Variants in DNAH11 observed in about 807,000 individuals in gnomAD.
DNAH11 encodes axonemal beta dynein heavy chain 11.
In DNAH11, 442 loss-of-function variants were observed where a neutral mutation model predicts 526.0. That is an observed-to-expected ratio of 0.84 (90% CI 0.78 to 0.91). The LOEUF (loss-of-function observed/expected upper bound fraction) is 0.91, where lower values mean the gene tolerates loss of function less well. Ranked by LOEUF, DNAH11 falls within the 40% of genes least tolerant of loss-of-function variation. The probability of loss-of-function intolerance (pLI) is 0.00; values close to 1 mark genes in which losing one functional copy is unlikely to be tolerated. For synonymous variants in DNAH11, 2,461 were observed against 1,935.9 expected (o/e 1.27, Z -7.12); for missense variants, 6,989 against 5,448.7 (o/e 1.28, Z -8.90).
At chr7:21,858,695 G>A (rs1009105265) in intron 68 of DNAH11, among the ~76,000 whole-genome samples, 6 of 152,210 alleles carry the variant, frequency 3.9e-5, no homozygotes, top group Non-Finnish European at 8.8e-5. Context: ...AGGCAGGTCA[G>A]TAATTGACTG....
chr7:21,567,554 A>G (rs1259248010), intron 6 of DNAH11, among the ~76,000 whole-genome samples: 1 of 152,328 alleles, frequency 6.6e-6, no homozygotes, highest in Non-Finnish European at 1.5e-5. Context: ...ATCTTGCTAC[A>G]GTGCTTGCAC....
At chr7:21,767,079 A>G (rs569582453) in intron 55 of DNAH11, among the ~76,000 whole-genome samples, 1 of 152,332 alleles carries the variant, frequency 6.6e-6, no homozygotes, top group Admixed American at 6.5e-5. Context: ...ATAAATATTA[A>G]CACAAATTTC....
chr7:21,765,233 A>G (rs1787123178), intron 54 of DNAH11, among the ~76,000 whole-genome samples, 195 bp from the exon 55 acceptor site: 2 of 150,054 alleles, frequency 1.3e-5, no homozygotes, highest in South Asian at 4.2e-4. Context: ...TTCTGTGTCC[A>G]GTGGAGCAGC....
chr7:21,836,720 A>C lies in DNAH11; in HGVS notation c.10692-5824A>C, dbSNP rs138579084. Among the ~76,000 whole-genome samples the C allele has an allele frequency of 5.6e-4, 85 of 152,306 alleles. No individual in the cohort carries two copies. In the East Asian group the frequency reaches 0.015, roughly 27 times the overall value. On this transcript the variant is annotated intron_variant, in intron 65 of 81. Transcript: ENST00000409508. ...GGGGTAAGACCTCAGAGGCTCAGGCAGCAAAAGCAAAGATAGACAAATGGG... is the reference window on the plus strand; with the variant it reads ...GGGGTAAGACCTCAGAGGCTCAGGCCGCAAAAGCAAAGATAGACAAATGGG...
chr7:21,628,509 A>G (rs1786455221), intron 25 of DNAH11, among the ~76,000 whole-genome samples: 1 of 152,140 alleles, frequency 6.6e-6, no homozygotes, highest in Non-Finnish European at 1.5e-5. Flanking sequence ...ACGGATGTTG[A>G]ATTTTATCAA....
intron 44 of DNAH11, among the ~76,000 whole-genome samples, chr7:21,723,398 TC>T (rs1784958818): frequency 6.6e-6 from 1 of 152,200 alleles, no homozygotes; most frequent in Non-Finnish European, 1.5e-5. Flanking sequence ...GGACCTATGT[TC>T]TTCAGCCATT....
intron 36 of DNAH11, among the ~76,000 whole-genome samples, chr7:21,698,733 C>G (rs1211602745): frequency 6.6e-6 from 1 of 152,062 alleles, no homozygotes; most frequent in East Asian, 1.9e-4. Context: ...GACATTTAGG[C>G]TAGTCCATAT....
chr7:21,672,907 T>C (rs1303273201), intron 30 of DNAH11, among the ~76,000 whole-genome samples: 1 of 152,202 alleles, frequency 6.6e-6, no homozygotes, highest in South Asian at 2.1e-4. Flanking sequence ...AGGTCTGACA[T>C]TGTCCTACAT....
chr7:21,746,365 A>T (rs1786152678), intron 51 of DNAH11, among the ~76,000 whole-genome samples: 1 of 152,192 alleles, frequency 6.6e-6, no homozygotes. Flanking sequence ...GCACTTTGGG[A>T]GGCTGAGGCA....
At position 21,901,042 on chromosome 7, in the gene DNAH11, GAAGCCCGTCTCAA is replaced by G; in HGVS notation, c.13340_13352del (p.Glu4447GlyfsTer35). On this transcript the variant is annotated frameshift_variant, in exon 82 of 82. Coordinates refer to ENST00000409508, the MANE Select transcript of DNAH11 (RefSeq NM_001277115.2). LOFTEE classifies it high-confidence loss of function. ...GGACACCCAAGCAGGAACCATTGTT[GAAGCCCGTCTCAA>G]GGAGCTGGCATGCCCTATGCCGGTC... The G allele has an allele frequency of 6.2e-7, 1 of 1,612,364 alleles. No individual in the cohort carries two copies. Among genetic ancestry groups the G allele is most frequent in the Non-Finnish European group, 8.5e-7 (1 of 1,179,106 alleles).
chr7:21,795,756 C>T (rs142565311), intron 61 of DNAH11, among the ~76,000 whole-genome samples: 158 of 152,292 alleles, frequency 1.0e-3, no homozygotes, highest in African/African-American at 3.7e-3. Context: ...TTACTAAATG[C>T]TGTTTAATTT....
chr7:21,767,884 T>G (rs1465009333), intron 55 of DNAH11, among the ~76,000 whole-genome samples: 3 of 152,204 alleles, frequency 2.0e-5, no homozygotes, highest in Non-Finnish European at 4.4e-5. Flanking sequence ...ACTTCTTAAT[T>G]ATTGACGTCA....
intron 65 of DNAH11, among the ~76,000 whole-genome samples, chr7:21,832,252 T>G (rs900339219): frequency 1.3e-5 from 2 of 152,218 alleles, no homozygotes; most frequent in African/African-American, 4.8e-5. Context: ...GCCTGTTAGT[T>G]GATGCAGTTT....
At chr7:21,891,567 G>A (rs534689888) in intron 76 of DNAH11, among the ~76,000 whole-genome samples, 7 of 152,282 alleles carry the variant, frequency 4.6e-5, no homozygotes, top group Admixed American at 4.6e-4. Context: ...ACATTTTGAA[G>A]TTCTACATTC....
At chr7:21,544,481 A>G (rs535621514) in intron 1 of DNAH11, among the ~76,000 whole-genome samples, 4 of 152,246 alleles carry the variant, frequency 2.6e-5, no homozygotes, top group South Asian at 2.1e-4. Context: ...ATAGAACACA[A>G]CTCTAGTATT....
At chr7:21,681,289 T>A (rs1783125131) in intron 30 of DNAH11, among the ~76,000 whole-genome samples, 1 of 151,950 alleles carries the variant, frequency 6.6e-6, no homozygotes. Flanking sequence ...TAGCTGGGCG[T>A]GGTGGTGGGC....
chr7:21,779,493 C>T (rs555123707), intron 57 of DNAH11, among the ~76,000 whole-genome samples: 4 of 152,118 alleles, frequency 2.6e-5, no homozygotes, highest in African/African-American at 4.8e-5. Context: ...CGTCACTTTG[C>T]AAGATGGTTT....
At chr7:21,838,130 A>G (rs772409107) in intron 65 of DNAH11, among the ~76,000 whole-genome samples, 4 of 152,228 alleles carry the variant, frequency 2.6e-5, no homozygotes, top group Non-Finnish European at 5.9e-5. Context: ...AACTCAAATA[A>G]TAGAAGGAAT....
In DNAH11 at chr7:21,765,611, C is replaced by CAG. The variant is rs72106320; in HGVS notation, c.9102+23_9102+24insGA. 9.0e-4 allele frequency: 263 copies of CAG among 290,824 alleles called. 1 individual carries two copies. In the African/African-American group the frequency reaches 0.12, roughly 135 times the overall value. 18.0% of individuals were successfully genotyped at this position (290,824 alleles called of 1,614,324 possible). A position where few individuals can be genotyped will look rare whatever the true frequency, so the allele number is the denominator to read the frequency against. ...TGAGGTATGCCGTGTCAGCCTGCGT[C>CAG]ACACACACACACACACACACACACA... On this transcript the variant is annotated intron_variant, in intron 55 of 81. Transcript: ENST00000409508.
Sources: gnomAD v4.1 joint callset for allele counts (sites outside exome capture counted in the v4.1 genomes callset) on GRCh38, gnomAD v4.1.1 for gene constraint, MANE v1.5 for transcripts, NCBI Gene and HGNC (gene_info 2026-07-23, HGNC 2026-07-21) for gene names.